Variants in ATRNL1 observed in about 807,000 individuals in gnomAD.
The protein encoded by ATRNL1 is attractin-like protein 1.
In ATRNL1, 95 loss-of-function variants were observed where a neutral mutation model predicts 182.7. The ratio of observed to expected loss-of-function variants is 0.52; its 90% confidence interval spans 0.44 to 0.62. The LOEUF (loss-of-function observed/expected upper bound fraction) is 0.62. Among genes scored for constraint, ATRNL1 ranks in the 20% least tolerant of loss-of-function variants. ATRNL1 has a pLI of 0.00. For missense variants in ATRNL1, 1,471 were observed against 1,679.5 expected, an observed-to-expected ratio of 0.88 and a Z score of 2.17; for synonymous variants, 576 against 568.3, an observed-to-expected ratio of 1.01 and a Z score of -0.19.
intron 26 of ATRNL1, among the ~76,000 whole-genome samples, chr10:115,652,041 AT>A (rs1298166645): frequency 6.6e-6 from 1 of 152,094 alleles, no homozygotes; most frequent in African/African-American, 2.4e-5. Context: ...TTAAATGACC[AT>A]TTTGTTCACA....
At chr10:115,867,082 G>GT (rs1951456195) in intron 28 of ATRNL1, among the ~76,000 whole-genome samples, 1 of 152,126 alleles carries the variant, frequency 6.6e-6, no homozygotes, top group African/African-American at 2.4e-5. Flanking sequence ...AAAGATGAAT[G>GT]TAACTGCCTT....
chr10:115,297,548 G>A (rs1853260923), intron 15 of ATRNL1, among the ~76,000 whole-genome samples: 1 of 151,654 alleles, frequency 6.6e-6, no homozygotes, highest in Admixed American at 6.6e-5. Context: ...AGGAGGCCGA[G>A]GCAGGAGAAT....
At chr10:115,467,357 T>C in intron 23 of ATRNL1, 105 bp downstream of exon 23, 1 of 711,272 alleles carries the variant, frequency 1.4e-6, no homozygotes, top group South Asian at 2.4e-5. Flanking sequence ...AAAAATGTTA[T>C]ATGACAGGAT....
At chr10:115,233,367 T>G (rs1850040394) in intron 9 of ATRNL1, among the ~76,000 whole-genome samples, 1 of 152,200 alleles carries the variant, frequency 6.6e-6, no homozygotes, top group Non-Finnish European at 1.5e-5. Context: ...GAAAGGCAAT[T>G]GATTTTTTAT....
chr10:115,096,921 T>A (rs2085025510), intron 1 of ATRNL1: 2 of 598,802 alleles, frequency 3.3e-6, no homozygotes, highest in Admixed American at 5.2e-5. Context: ...ATATTTGAAA[T>A]ATAATAATCA....
At chr10:115,543,458 A>C (rs1554992680) in intron 25 of ATRNL1, among the ~76,000 whole-genome samples, 3 of 152,150 alleles carry the variant, frequency 2.0e-5, no homozygotes, top group Non-Finnish European at 1.5e-5. Context: ...TTAGGAGGTA[A>C]ATTTCTTCAT....
intron 5 of ATRNL1, among the ~76,000 whole-genome samples, chr10:115,147,396 AT>A (rs1258663585): frequency 9.9e-5 from 15 of 152,050 alleles, no homozygotes; most frequent in Non-Finnish European, 2.1e-4. Context: ...GTTTTCAAAT[AT>A]TTTCTCCCAT....
chr10:115,217,051 A>G (rs1436815555), intron 9 of ATRNL1, among the ~76,000 whole-genome samples: 6 of 152,094 alleles, frequency 3.9e-5, no homozygotes, highest in African/African-American at 1.2e-4. Context: ...TGAAGGTACT[A>G]TCAGTCTGTT....
intron 28 of ATRNL1, among the ~76,000 whole-genome samples, chr10:115,879,151 T>C (rs918052030): frequency 6.6e-6 from 1 of 151,382 alleles, no homozygotes; most frequent in African/African-American, 2.4e-5. Flanking sequence ...AAATTACATT[T>C]AAAAAAATAG....
chr10:115,523,653 T>A (rs944274363), intron 25 of ATRNL1, among the ~76,000 whole-genome samples: 1 of 152,232 alleles, frequency 6.6e-6, no homozygotes, highest in Admixed American at 6.5e-5. Context: ...ACAAAGGTTA[T>A]CTTTGCTTCA....
chr10:115,636,535 G>A (rs1555028235), intron 26 of ATRNL1, among the ~76,000 whole-genome samples: 2 of 152,164 alleles, frequency 1.3e-5, no homozygotes. Flanking sequence ...CAAAGAGAAT[G>A]CCTACTAAAT....
In ATRNL1 at chr10:115,196,762, G is replaced by T. The variant is rs373425533; in HGVS notation, c.1349-18935G>T. Reference sequence around the variant, plus strand: ...CATTTTCAAATATGGGTTTGGTCATGCAACGTTGCTAAACACACTTATTAA... The same window carrying T: ...CATTTTCAAATATGGGTTTGGTCATTCAACGTTGCTAAACACACTTATTAA... On this transcript the variant is annotated intron_variant, in intron 8 of 28. Coordinates refer to ENST00000355044, the MANE Select transcript of ATRNL1 (RefSeq NM_207303.4). Among the ~76,000 whole-genome samples, 13 of 152,194 alleles carry T rather than the reference G, an allele frequency of 8.5e-5. No individual in the cohort carries two copies. In the East Asian group the frequency reaches 1.5e-3, roughly 18 times the overall value.
chr10:115,736,540 G>T (rs1419076363), intron 27 of ATRNL1, among the ~76,000 whole-genome samples: 2 of 151,952 alleles, frequency 1.3e-5, no homozygotes, highest in African/African-American at 4.8e-5. Flanking sequence ...TAAATCTGTT[G>T]ATTATTTCTG....
intron 28 of ATRNL1, among the ~76,000 whole-genome samples, chr10:115,918,586 A>G (rs1297458521): frequency 6.6e-6 from 1 of 152,226 alleles, no homozygotes; most frequent in African/African-American, 2.4e-5. Context: ...AAGTGTTTAT[A>G]TAGTAGAGAT....
chr10:115,916,316 CATT>C (rs1331758375), intron 28 of ATRNL1, among the ~76,000 whole-genome samples: 1 of 152,224 alleles, frequency 6.6e-6, no homozygotes, highest in African/African-American at 2.4e-5. Flanking sequence ...CCCAAAGTAA[CATT>C]ATAAATTCCT....
chr10:115,311,561 G>T (rs531881376), intron 17 of ATRNL1, among the ~76,000 whole-genome samples: 1 of 152,278 alleles, frequency 6.6e-6, no homozygotes, highest in African/African-American at 2.4e-5. Flanking sequence ...AATATTCCAT[G>T]TGCTGATGAG....
intron 8 of ATRNL1, among the ~76,000 whole-genome samples, chr10:115,174,105 C>T (rs1554886283): frequency 1.3e-5 from 2 of 151,758 alleles, no homozygotes; most frequent in Non-Finnish European, 2.9e-5. Context: ...ACTTGTTTCT[C>T]ATTGCCCTTT....
At chr10:115,931,367 TATA>T (rs1555121585) in intron 28 of ATRNL1, among the ~76,000 whole-genome samples, 1 of 152,218 alleles carries the variant, frequency 6.6e-6, no homozygotes, top group Non-Finnish European at 1.5e-5. Flanking sequence ...GCCTCTAAAG[TATA>T]ATGATATTAT....
chr10:115,370,079 C>T (rs568753810), intron 19 of ATRNL1, among the ~76,000 whole-genome samples: 1 of 152,164 alleles, frequency 6.6e-6, no homozygotes, highest in Non-Finnish European at 1.5e-5. Context: ...AGGGGAGTTT[C>T]CCTGCACAAA....
Sources: allele counts gnomAD v4.1 joint callset (sites outside exome capture counted in the v4.1 genomes callset), GRCh38; gene constraint gnomAD v4.1.1; transcripts MANE v1.5; gene names NCBI Gene and HGNC (gene_info 2026-07-23, HGNC 2026-07-21).